Variants in PALM2AKAP2 observed in about 807,000 individuals in gnomAD.
The protein encoded by PALM2AKAP2 is PALM2-AKAP2 fusion protein.
Under a neutral mutation model 71.5 loss-of-function variants are expected in PALM2AKAP2, and 37 were observed. The ratio of observed to expected loss-of-function variants is 0.52; its 90% confidence interval spans 0.40 to 0.68. PALM2AKAP2 has a LOEUF of 0.68. Among genes scored for constraint, PALM2AKAP2 ranks in the 30% least tolerant of loss-of-function variants. The pLI, the probability that PALM2AKAP2 is intolerant of heterozygous loss-of-function variation, is 0.00. For missense variants in PALM2AKAP2, 1,224 were observed against 1,191.8 expected (o/e 1.03, Z -0.40); for synonymous variants, 468 against 478.8 (o/e 0.98, Z 0.29).
At chr9:109,891,745 C>T (rs1057142289) in intron 3 of PALM2AKAP2, among the ~76,000 whole-genome samples, 3 of 152,158 alleles carry the variant, frequency 2.0e-5, no homozygotes, top group African/African-American at 7.2e-5. Flanking sequence ...CTCACCTTGG[C>T]CTCCCAAAGT....
At chr9:109,654,452 T>A (rs1827267383) in intron 1 of PALM2AKAP2, among the ~76,000 whole-genome samples, 1 of 152,216 alleles carries the variant, frequency 6.6e-6, no homozygotes, top group Non-Finnish European at 1.5e-5. Context: ...TGCATATTTG[T>A]TAATTAGACT....
chr9:110,112,035 A>G (rs764289037), intron 1 of PALM2AKAP2, among the ~76,000 whole-genome samples: 17 of 152,078 alleles, frequency 1.1e-4, no homozygotes, highest in Non-Finnish European at 2.4e-4. Context: ...TCGAACCTGT[A>G]TATAAGACAA....
At chr9:110,003,787 CCTT>C (rs899751517) in intron 6 of PALM2AKAP2, among the ~76,000 whole-genome samples, 97 of 152,216 alleles carry the variant, frequency 6.4e-4, no homozygotes, top group African/African-American at 2.3e-3. Context: ...TATATAATGG[CCTT>C]CTTTGTCTCT....
At chr9:109,793,096 A>G (rs1026624217) in intron 1 of PALM2AKAP2, among the ~76,000 whole-genome samples, 1 of 152,260 alleles carries the variant, frequency 6.6e-6, no homozygotes, top group Non-Finnish European at 1.5e-5. Context: ...AAATAGTAGC[A>G]TGTTTATAGG....
At chr9:109,811,214 AG>A (rs1170623597) in intron 1 of PALM2AKAP2, among the ~76,000 whole-genome samples, 3 of 152,336 alleles carry the variant, frequency 2.0e-5, no homozygotes, top group Non-Finnish European at 4.4e-5. Context: ...GTGCAAGTAC[AG>A]GTAGGCAAAG....
Position 109,648,299 on chromosome 9 carries a change from G to C in PALM2AKAP2, c.5+7433G>C, listed in dbSNP as rs1018593998. 5.9e-5 allele frequency among the ~76,000 whole-genome samples: 9 copies of C among 152,254 alleles called. No homozygotes were observed. The East Asian group carries it at 1.5e-3, about 26-fold the overall frequency. ...TAGTGTGAAAATGGACTAATACTTA[G>C]TGTTAGTTTTATGTTTTCAAAGTTT... On this transcript the variant is annotated intron_variant, in intron 1 of 6. Coordinates refer to the PALM2AKAP2 transcript ENST00000374531.
chr9:109,763,500 AAATG>A (rs1829094622), intron 1 of PALM2AKAP2, among the ~76,000 whole-genome samples: 2 of 152,262 alleles, frequency 1.3e-5, no homozygotes, highest in Admixed American at 6.5e-5. Context: ...TTGGGGTGCC[AAATG>A]AATTGACACC....
At chr9:109,716,965 G>GT (rs1232122531) in intron 1 of PALM2AKAP2, among the ~76,000 whole-genome samples, 1 of 152,134 alleles carries the variant, frequency 6.6e-6, no homozygotes, top group Non-Finnish European at 1.5e-5. Flanking sequence ...GGGATGTCTG[G>GT]TTTTCTTAAC....
chr9:109,914,833 G>A (rs1486670443), intron 3 of PALM2AKAP2, among the ~76,000 whole-genome samples: 4 of 152,204 alleles, frequency 2.6e-5, no homozygotes, highest in Non-Finnish European at 5.9e-5. Flanking sequence ...GAATATGCTG[G>A]TCTTGCGTAA....
chr9:109,654,579 C>T (rs758412100), intron 1 of PALM2AKAP2, among the ~76,000 whole-genome samples: 1 of 152,134 alleles, frequency 6.6e-6, no homozygotes, highest in Non-Finnish European at 1.5e-5. Flanking sequence ...TATGTTCACT[C>T]CCAGCCTTCA....
intron 1 of PALM2AKAP2, among the ~76,000 whole-genome samples, chr9:109,862,400 G>A (rs1829333357): frequency 6.6e-6 from 1 of 152,110 alleles, no homozygotes; most frequent in Non-Finnish European, 1.5e-5. Context: ...TCTGCATGTT[G>A]ACTTTATTTT....
At chr9:109,942,143 T>C (rs1466537679) in intron 6 of PALM2AKAP2, among the ~76,000 whole-genome samples, 5 of 152,244 alleles carry the variant, frequency 3.3e-5, no homozygotes, top group African/African-American at 1.2e-4. Context: ...ATAATATGAA[T>C]GCTCCCATGC....
intron 1 of PALM2AKAP2, among the ~76,000 whole-genome samples, chr9:109,835,887 C>T (rs572530081): frequency 6.0e-4 from 91 of 152,240 alleles, no homozygotes; most frequent in African/African-American, 1.4e-3. Context: ...CCGGGAAGCT[C>T]GAACTGGGTG....
At chr9:109,728,258 C>G (rs1296830173) in intron 1 of PALM2AKAP2, among the ~76,000 whole-genome samples, 1 of 152,220 alleles carries the variant, frequency 6.6e-6, no homozygotes, top group Non-Finnish European at 1.5e-5. Context: ...ACGTGTTAAG[C>G]ACTTTATATG....
At chr9:109,728,559 A>G (rs1170699342) in intron 1 of PALM2AKAP2, among the ~76,000 whole-genome samples, 1 of 152,238 alleles carries the variant, frequency 6.6e-6, no homozygotes, top group Non-Finnish European at 1.5e-5. Context: ...GCTTTGACGA[A>G]TCAGTCCCAA....
chr9:109,753,260 C>T (rs1441860085), intron 1 of PALM2AKAP2, among the ~76,000 whole-genome samples: 2 of 152,078 alleles, frequency 1.3e-5, no homozygotes, highest in African/African-American at 2.4e-5. Flanking sequence ...TACTACTGAG[C>T]GCTGAAGCAC....
intron 1 of PALM2AKAP2, among the ~76,000 whole-genome samples, chr9:110,059,620 G>A (rs1308508297): frequency 6.6e-6 from 1 of 152,174 alleles, no homozygotes; most frequent in African/African-American, 2.4e-5. Flanking sequence ...AAGGAGGTGG[G>A]GGCAGTGACC....
intron 3 of PALM2AKAP2, among the ~76,000 whole-genome samples, chr9:109,919,765 G>GTA (rs138804024): frequency 3.3e-4 from 49 of 150,714 alleles, no homozygotes; most frequent in East Asian, 1.2e-3. Context: ...GTGTGTGTGT[G>GTA]TATATATGTA....
chr9:109,993,778 CCCT>C (rs1175769883), intron 6 of PALM2AKAP2, among the ~76,000 whole-genome samples: 3 of 151,486 alleles, frequency 2.0e-5, no homozygotes, highest in African/African-American at 7.3e-5. Context: ...CTCTCTCTCT[CCCT>C]CTTCTTTTTC....
Sources: allele counts gnomAD v4.1 joint callset (sites outside exome capture counted in the v4.1 genomes callset), GRCh38; gene constraint gnomAD v4.1.1; transcripts MANE v1.5; gene names NCBI Gene and HGNC (gene_info 2026-07-23, HGNC 2026-07-21).